PARVA: variants seen among roughly 807,000 people sequenced by gnomAD.
PARVA encodes the protein alpha-parvin.
PARVA carries 25 observed loss-of-function variants against 52.6 expected under a neutral mutation model. That is an observed-to-expected ratio of 0.48 (90% CI 0.35 to 0.66). PARVA has a LOEUF of 0.66. PARVA is among the 30% of genes least tolerant of loss of function. The pLI, the probability that PARVA is intolerant of heterozygous loss-of-function variation, is 0.01. For missense variants in PARVA, 373 were observed against 450.9 expected (o/e 0.83, Z 1.56); for synonymous variants, 185 against 179.1 (o/e 1.03, Z -0.26).
At chr11:12,515,567 T>G (rs1254956488) in intron 10 of PARVA, among the ~76,000 whole-genome samples, 1 of 152,190 alleles carries the variant, frequency 6.6e-6, no homozygotes, top group Non-Finnish European at 1.5e-5. Context: ...GAACCAGCCA[T>G]GGGAGGTGAG....
chr11:12,498,255 C>T (rs550163615), intron 5 of PARVA, among the ~76,000 whole-genome samples: 14 of 152,034 alleles, frequency 9.2e-5, no homozygotes, highest in Non-Finnish European at 1.8e-4. Context: ...AGGCTGGTCT[C>T]GAACTCCTGA....
At chr11:12,499,486 T>G (rs1222877635) in intron 5 of PARVA, among the ~76,000 whole-genome samples, 1 of 152,158 alleles carries the variant, frequency 6.6e-6, no homozygotes, top group Non-Finnish European at 1.5e-5. Flanking sequence ...ATTGAAAATT[T>G]ACAAAGTGCA....
At chr11:12,503,503 G>A (rs1941388124) in intron 5 of PARVA, among the ~76,000 whole-genome samples, 1 of 152,036 alleles carries the variant, frequency 6.6e-6, no homozygotes, top group Admixed American at 6.6e-5. Flanking sequence ...GGGAACCTGG[G>A]ATTAGAGAGG....
At chr11:12,415,891 A>G (rs1053987792) in intron 1 of PARVA, among the ~76,000 whole-genome samples, 13 of 152,240 alleles carry the variant, frequency 8.5e-5, no homozygotes, top group Admixed American at 7.9e-4. Context: ...GAAACCCACA[A>G]GAGTCCCGCA....
intron 10 of PARVA, among the ~76,000 whole-genome samples, chr11:12,514,914 C>T (rs752196949): frequency 4.1e-4 from 62 of 152,358 alleles, no homozygotes; most frequent in African/African-American, 1.4e-3. Context: ...CTCTTTTTAA[C>T]GTAGAACAAC....
intron 1 of PARVA, among the ~76,000 whole-genome samples, chr11:12,460,111 T>C (rs957907615): frequency 1.3e-5 from 2 of 152,224 alleles, no homozygotes; most frequent in African/African-American, 4.8e-5. Flanking sequence ...AATGGTGTGA[T>C]ATGTATTTTC....
intron 12 of PARVA, among the ~76,000 whole-genome samples, chr11:12,522,559 C>T (rs1002032015): frequency 6.6e-6 from 1 of 151,446 alleles, no homozygotes; most frequent in African/African-American, 2.4e-5. Context: ...GCTGGGATTA[C>T]AGGCTGCCAC....
At chr11:12,394,012 A>G (rs907607332) in intron 1 of PARVA, among the ~76,000 whole-genome samples, 1 of 152,238 alleles carries the variant, frequency 6.6e-6, no homozygotes, top group Non-Finnish European at 1.5e-5. Context: ...GAAACAATAA[A>G]AACCAATATT....
chr11:12,456,983 T>C (rs991347790), intron 1 of PARVA, among the ~76,000 whole-genome samples: 2 of 152,324 alleles, frequency 1.3e-5, no homozygotes, highest in Non-Finnish European at 2.9e-5. Context: ...TTCTTTGAAA[T>C]GGTTTTTATA....
intron 5 of PARVA, among the ~76,000 whole-genome samples, chr11:12,496,952 C>T (rs1489259154): frequency 6.6e-6 from 1 of 152,174 alleles, no homozygotes; most frequent in Non-Finnish European, 1.5e-5. Context: ...GCTTGGGAAG[C>T]TGAGGTCCCC....
At chr11:12,524,159 TGCACGGCTATACATAGCA>T (rs1941672912) in intron 12 of PARVA, among the ~76,000 whole-genome samples, 1 of 152,230 alleles carries the variant, frequency 6.6e-6, no homozygotes, top group African/African-American at 2.4e-5. Flanking sequence ...GTGCACAGAC[TGCACGGCTATACATAGCA>T]GCTCTGCTAA....
chr11:12,448,851 G>A (rs149557886), intron 1 of PARVA, among the ~76,000 whole-genome samples: 46 of 152,270 alleles, frequency 3.0e-4, no homozygotes, highest in African/African-American at 9.9e-4. Flanking sequence ...ATCAGCAGAC[G>A]TTGCTCCAAT....
At chr11:12,410,217 G>C (rs933932) in intron 1 of PARVA, among the ~76,000 whole-genome samples, 1 of 152,366 alleles carries the variant, frequency 6.6e-6, no homozygotes, top group Non-Finnish European at 1.5e-5. Context: ...CTGCAGGGCA[G>C]GGATCAGGTT....
chr11:12,458,626 A>T (rs1940731155), intron 1 of PARVA, among the ~76,000 whole-genome samples: 1 of 151,934 alleles, frequency 6.6e-6, no homozygotes, highest in African/African-American at 2.4e-5. Flanking sequence ...GGGGAGAAAG[A>T]CTCTGGCCCC....
chr11:12,503,409 G>A (rs1941386910), intron 5 of PARVA, among the ~76,000 whole-genome samples: 3 of 152,164 alleles, frequency 2.0e-5, no homozygotes, highest in African/African-American at 7.2e-5. Flanking sequence ...CATGCTTATG[G>A]TGATTGGAGT....
chr11:12,430,164 C>T (rs1940297315), intron 1 of PARVA, among the ~76,000 whole-genome samples: 1 of 152,070 alleles, frequency 6.6e-6, no homozygotes, highest in Non-Finnish European at 1.5e-5. Context: ...TGTGGTATCC[C>T]TGAACATGGA....
intron 1 of PARVA, among the ~76,000 whole-genome samples, chr11:12,379,150 C>G (rs1939448293): frequency 6.6e-6 from 1 of 152,206 alleles, no homozygotes; most frequent in Admixed American, 6.5e-5. Flanking sequence ...GTGAGGACGA[C>G]CAGAGGTCAC....
chr11:12,377,433 C>G, upstream of PARVA: 3 of 1,376,772 alleles, frequency 2.2e-6, no homozygotes, highest in Non-Finnish European at 2.8e-6. Flanking sequence ...AGGCGCGGCC[C>G]CGGGAGCGCA....
At chr11:12,436,761 T>C (rs1940393372) in intron 1 of PARVA, among the ~76,000 whole-genome samples, 1 of 151,970 alleles carries the variant, frequency 6.6e-6, no homozygotes, top group Non-Finnish European at 1.5e-5. Context: ...TCTGAAGAAG[T>C]GTGGGGTTAG....
Sources: allele counts gnomAD v4.1 joint callset (sites outside exome capture counted in the v4.1 genomes callset), GRCh38; gene constraint gnomAD v4.1.1; transcripts MANE v1.5; gene names NCBI Gene and HGNC (gene_info 2026-07-23, HGNC 2026-07-21).